Variants in GALNTL6 observed in about 807,000 individuals in gnomAD.
The protein encoded by GALNTL6 is polypeptide N-acetylgalactosaminyltransferase-like 6.
In GALNTL6, 46 loss-of-function variants were observed where a neutral mutation model predicts 73.7. That is an observed-to-expected ratio of 0.62 (90% CI 0.49 to 0.80). GALNTL6 has a LOEUF of 0.80. Among genes scored for constraint, GALNTL6 ranks in the 30% least tolerant of loss-of-function variants. GALNTL6 has a pLI of 0.00. For missense variants in GALNTL6, 604 were observed against 755.0 expected (o/e 0.80, Z 2.34); for synonymous variants, 259 against 263.7 (o/e 0.98, Z 0.17).
At chr4:172,718,991 C>G (rs1232294678) in intron 5 of GALNTL6, among the ~76,000 whole-genome samples, 1 of 152,130 alleles carries the variant, frequency 6.6e-6, no homozygotes, top group Non-Finnish European at 1.5e-5. Flanking sequence ...GAAACACTCT[C>G]CAATTTATAT....
chr4:172,120,907 A>G (rs940420487), intron 2 of GALNTL6, among the ~76,000 whole-genome samples: 1 of 151,866 alleles, frequency 6.6e-6, no homozygotes. Context: ...TGCCTATAAA[A>G]CTGAAAATGG....
At chr4:172,158,386 T>C (rs540793900) in intron 2 of GALNTL6, among the ~76,000 whole-genome samples, 1 of 152,196 alleles carries the variant, frequency 6.6e-6, no homozygotes, top group African/African-American at 2.4e-5. Flanking sequence ...TACATAATTT[T>C]CCCCTGGTTA....
At chr4:171,853,255 T>C (rs1173089636) in intron 2 of GALNTL6, among the ~76,000 whole-genome samples, 1 of 151,992 alleles carries the variant, frequency 6.6e-6, no homozygotes. Context: ...ATAATTTGAA[T>C]GGCAAAAGTA....
At chr4:172,453,747 T>G (rs1459571924) in intron 5 of GALNTL6, among the ~76,000 whole-genome samples, 1 of 152,196 alleles carries the variant, frequency 6.6e-6, no homozygotes, top group Non-Finnish European at 1.5e-5. Context: ...TGTTTTATTT[T>G]TATTTCCTTT....
chr4:171,949,571 G>A (rs1280671344), intron 2 of GALNTL6, among the ~76,000 whole-genome samples: 1 of 152,118 alleles, frequency 6.6e-6, no homozygotes, highest in Non-Finnish European at 1.5e-5. Flanking sequence ...AGTAGATTGA[G>A]GTGGAAAGTA....
intron 5 of GALNTL6, among the ~76,000 whole-genome samples, chr4:172,778,311 A>T (rs916415435): frequency 6.6e-6 from 1 of 152,224 alleles, no homozygotes; most frequent in Non-Finnish European, 1.5e-5. Flanking sequence ...CACAACACAG[A>T]ATTATTTATC....
chr4:171,977,135 A>C (rs1003684057), intron 2 of GALNTL6, among the ~76,000 whole-genome samples: 10 of 152,338 alleles, frequency 6.6e-5, no homozygotes, highest in African/African-American at 2.2e-4. Context: ...CTCAAATGGC[A>C]TTGAAGCAGA....
intron 7 of GALNTL6, among the ~76,000 whole-genome samples, chr4:172,842,277 C>T (rs1387893877): frequency 6.6e-6 from 1 of 152,178 alleles, no homozygotes; most frequent in Non-Finnish European, 1.5e-5. Flanking sequence ...GCCACCTTAG[C>T]CACTCTCTAA....
At chr4:171,830,306 T>C (rs1323762606) in intron 2 of GALNTL6, among the ~76,000 whole-genome samples, 1 of 152,176 alleles carries the variant, frequency 6.6e-6, no homozygotes, top group Non-Finnish European at 1.5e-5. Flanking sequence ...AGCTGCCTAG[T>C]TTGTGGAGAT....
rs1734384817 is a variant in GALNTL6 at position 172,506,148 on chromosome 4, C to T, written c.553+157459C>T. On this transcript the variant is annotated intron_variant, in intron 5 of 12. Coordinates refer to ENST00000506823, the MANE Select transcript of GALNTL6 (RefSeq NM_001034845.3). Reference sequence around the variant, plus strand: ...TATATGGATAACAACCTGAACATTACGAGACATTAAGTTTTCCCTCTGAGA... The same window carrying T: ...TATATGGATAACAACCTGAACATTATGAGACATTAAGTTTTCCCTCTGAGA... 7.4e-5 allele frequency among the ~76,000 whole-genome samples: 4 copies of T among 54,070 alleles called. 2 individuals are homozygous for T. 35.5% of individuals were successfully genotyped at this position (54,070 alleles called of 152,430 possible). A position where few individuals can be genotyped will look rare whatever the true frequency, so the allele number is the denominator to read the frequency against.
chr4:172,836,822 A>G (rs946297304), intron 7 of GALNTL6, among the ~76,000 whole-genome samples: 1 of 152,168 alleles, frequency 6.6e-6, no homozygotes, highest in African/African-American at 2.4e-5. Flanking sequence ...ATTATGGTCA[A>G]CTGGGTAAGG....
intron 2 of GALNTL6, among the ~76,000 whole-genome samples, chr4:171,823,254 G>A (rs1172735742): frequency 6.6e-6 from 1 of 151,994 alleles, no homozygotes; most frequent in African/African-American, 2.4e-5. Context: ...ATGGATACTG[G>A]TGAGGTCAGC....
intron 3 of GALNTL6, among the ~76,000 whole-genome samples, chr4:172,247,447 GTTCT>G (rs1737701051): frequency 6.6e-6 from 1 of 152,168 alleles, no homozygotes; most frequent in African/African-American, 2.4e-5. Context: ...AAAGCTTGCA[GTTCT>G]TTCTCACACA....
intron 2 of GALNTL6, among the ~76,000 whole-genome samples, chr4:171,996,934 T>C (rs1353154356): frequency 6.6e-6 from 1 of 152,122 alleles, no homozygotes; most frequent in Non-Finnish European, 1.5e-5. Context: ...GATCTGAATT[T>C]TGAAACTTGT....
chr4:172,617,442 CT>C (rs1276813810), intron 5 of GALNTL6, among the ~76,000 whole-genome samples: 1 of 149,438 alleles, frequency 6.7e-6, no homozygotes, highest in Non-Finnish European at 1.5e-5. Flanking sequence ...TGCATGTTAA[CT>C]TTATTTATTT....
chr4:172,358,911 G>A (rs1742265093), intron 5 of GALNTL6, among the ~76,000 whole-genome samples: 1 of 143,328 alleles, frequency 7.0e-6, no homozygotes, highest in African/African-American at 2.6e-5. Context: ...AGAGAAAAGA[G>A]AGCACTTATA....
chr4:172,889,398 A>G (rs1455917924), intron 8 of GALNTL6, among the ~76,000 whole-genome samples: 1 of 152,138 alleles, frequency 6.6e-6, no homozygotes, highest in African/African-American at 2.4e-5. Flanking sequence ...TGGGTTTATC[A>G]CAGATGTCTT....
chr4:171,904,685 A>C (rs998738353), intron 2 of GALNTL6, among the ~76,000 whole-genome samples: 6 of 152,218 alleles, frequency 3.9e-5, no homozygotes, highest in African/African-American at 1.4e-4. Context: ...TCCAAGACAC[A>C]TAATTATCAG....
intron 2 of GALNTL6, among the ~76,000 whole-genome samples, chr4:172,056,537 A>G (rs150309960): frequency 3.3e-5 from 5 of 152,236 alleles, no homozygotes; most frequent in African/African-American, 7.2e-5. Flanking sequence ...TTTAGGACTC[A>G]ATATACAGAA....
Sources: allele counts gnomAD v4.1 joint callset (sites outside exome capture counted in the v4.1 genomes callset), GRCh38; gene constraint gnomAD v4.1.1; transcripts MANE v1.5; gene names NCBI Gene and HGNC (gene_info 2026-07-23, HGNC 2026-07-21).